The following PRKN variants were observed in gnomAD, a reference collection of about 807,000 sequenced individuals.
PRKN encodes the protein E3 ubiquitin-protein ligase parkin.
Under a neutral mutation model 59.5 loss-of-function variants are expected in PRKN, and 56 were observed. The observed-to-expected ratio is 0.94, with a 90% CI of 0.76 to 1.18. The LOEUF is 1.18. Among genes scored for constraint, PRKN ranks in the 50% most tolerant of loss-of-function variants. PRKN has a pLI of 0.00. For missense variants in PRKN, 657 were observed against 596.4 expected, an observed-to-expected ratio of 1.10 and a Z score of -1.06; for synonymous variants, 250 against 222.1, an observed-to-expected ratio of 1.13 and a Z score of -1.12.
chr6:161,441,245 G>C (rs9456671), intron 9 of PRKN, among the ~76,000 whole-genome samples: 6,740 of 152,250 alleles, frequency 0.044, 392 homozygotes, highest in African/African-American at 0.13. Context: ...ATCACTGCTC[G>C]AGCGTGAAGA....
At chr6:161,793,743 A>G (rs1790728865) in intron 6 of PRKN, among the ~76,000 whole-genome samples, 1 of 152,144 alleles carries the variant, frequency 6.6e-6, no homozygotes, top group Non-Finnish European at 1.5e-5. Flanking sequence ...CATCCAGTCT[A>G]TATAGTGAGA....
intron 6 of PRKN, among the ~76,000 whole-genome samples, chr6:161,880,651 G>A (rs937668371): frequency 3.3e-5 from 5 of 152,178 alleles, no homozygotes; most frequent in Non-Finnish European, 7.3e-5. Context: ...CACCGGCCAT[G>A]GGAAGCCAGC....
chr6:162,685,725 T>C (rs1175812393), intron 1 of PRKN, among the ~76,000 whole-genome samples: 1 of 152,210 alleles, frequency 6.6e-6, no homozygotes, highest in African/African-American at 2.4e-5. Flanking sequence ...CTAGCTATGT[T>C]CTTTCCTGAG....
chr6:162,552,542 C>A (rs1269636839), intron 1 of PRKN, among the ~76,000 whole-genome samples: 1 of 151,854 alleles, frequency 6.6e-6, no homozygotes, highest in East Asian at 1.9e-4. Context: ...TTGTCATTCA[C>A]TGAGATGGAG....
chr6:161,625,254 T>C (rs1783043377), intron 7 of PRKN, among the ~76,000 whole-genome samples: 2 of 152,212 alleles, frequency 1.3e-5, no homozygotes. Flanking sequence ...TGAGTTCATG[T>C]CCTTTGCTGG....
intron 6 of PRKN, among the ~76,000 whole-genome samples, chr6:161,820,746 ATATT>A (rs1174207642): frequency 1.3e-5 from 2 of 149,720 alleles, no homozygotes; most frequent in East Asian, 3.9e-4. Context: ...ATAGGTGTAT[ATATT>A]TATAAGCATA....
At chr6:161,810,913 G>A (rs1199167386) in intron 6 of PRKN, among the ~76,000 whole-genome samples, 1 of 152,134 alleles carries the variant, frequency 6.6e-6, no homozygotes, top group Non-Finnish European at 1.5e-5. Context: ...GAGGAGGAAA[G>A]TCTTTTGAGC....
Position 161,837,815 on chromosome 6 carries a change from T to A in PRKN, c.735-51907A>T, listed in dbSNP as rs181732732. Reference sequence around the variant, plus strand: ...TTCCAATTAACATCTGTAATTTGCATTGTATGAAAGCACTAGAAAATAATA... The same window carrying A: ...TTCCAATTAACATCTGTAATTTGCAATGTATGAAAGCACTAGAAAATAATA... On this transcript the variant is annotated intron_variant, in intron 6 of 11. Coordinates refer to ENST00000366898, the MANE Select transcript of PRKN (RefSeq NM_004562.3). 2.3e-3 allele frequency among the ~76,000 whole-genome samples: 351 copies of A among 152,278 alleles called. 4 individuals are homozygous for A. The highest frequency in any genetic ancestry group is 3.4e-3 in the Middle Eastern group (1 of 294).
rs760540631 is a variant in PRKN at position 161,360,083 on chromosome 6, C to A, written c.1285+5G>T. On this transcript the variant is annotated splice_donor_5th_base_variant and intron_variant, in intron 11 of 11. Coordinates refer to ENST00000366898, the MANE Select transcript of PRKN (RefSeq NM_004562.3). The surrounding 1 kb of genome is among the most constrained non-coding windows in gnomAD (Gnocchi z 5.1). ...ATCCTCATTCTCTGCTCAGCACAGA[C>A]TCACCATTTTTTTCCACTGGTACAT... The A allele has an allele frequency of 6.3e-7, 1 of 1,592,728 alleles. No individual in the cohort carries two copies. The highest frequency in any genetic ancestry group is 8.6e-7 in the Non-Finnish European group (1 of 1,160,406).
At chr6:162,467,912 T>C (rs769642170) in intron 1 of PRKN, among the ~76,000 whole-genome samples, 1 of 152,106 alleles carries the variant, frequency 6.6e-6, no homozygotes, top group Non-Finnish European at 1.5e-5. Flanking sequence ...TCCCTTTGCC[T>C]GGAGCACTCT....
chr6:162,650,585 G>C (rs1373203884), intron 1 of PRKN, among the ~76,000 whole-genome samples: 1 of 123,468 alleles, frequency 8.1e-6, no homozygotes, highest in African/African-American at 2.9e-5. Context: ...GCGACAGAGC[G>C]AGACTCCGTC....
intron 7 of PRKN, among the ~76,000 whole-genome samples, chr6:161,696,692 T>C (rs1343975534): frequency 1.3e-5 from 2 of 152,196 alleles, no homozygotes; most frequent in Non-Finnish European, 2.9e-5. Flanking sequence ...AAGTATCTAA[T>C]TCTACCCTCT....
chr6:162,069,914 G>A (rs1778502942), intron 4 of PRKN, among the ~76,000 whole-genome samples: 2 of 152,112 alleles, frequency 1.3e-5, no homozygotes, highest in South Asian at 2.1e-4. Context: ...ACGCAAGAGA[G>A]GCAAAAATGA....
chr6:161,397,489 G>A lies in PRKN; in HGVS notation c.1084-10612C>T, dbSNP rs1674445473. 6.6e-6 allele frequency among the ~76,000 whole-genome samples: 1 copy of A among 152,142 alleles called. No individual in the cohort carries two copies. On this transcript the variant is annotated intron_variant, in intron 9 of 11. Coordinates refer to ENST00000366898, the MANE Select transcript of PRKN (RefSeq NM_004562.3). This position sits in a 1 kb window ranked among gnomAD's most constrained non-coding sequence, Gnocchi z 4.2. ...CCTTCAGGGAGCATTCTAACATCAA[G>A]CTTAATTGACTGCCTCTCTTCTAAC...
chr6:162,676,571 T>C (rs1329607720), intron 1 of PRKN, among the ~76,000 whole-genome samples: 3 of 152,140 alleles, frequency 2.0e-5, no homozygotes, highest in Non-Finnish European at 2.9e-5. Context: ...GGACAGGGTA[T>C]TGAATGATAG....
rs555691152 is a variant in PRKN, at chr6:162,386,113, A to G, written c.171+57197T>C. On this transcript the variant is annotated intron_variant, in intron 2 of 11. Coordinates refer to ENST00000366898, the MANE Select transcript of PRKN (RefSeq NM_004562.3). ...TCAACCATCTCCTAGTGACTCAATC[A>G]TTAAATATTTAGCTGACTTAAATTA... is the stretch of plus-strand genomic sequence containing the variant. 2.4e-4 allele frequency among the ~76,000 whole-genome samples: 36 copies of G among 152,300 alleles called. 1 individual carries two copies. The South Asian group carries it at 5.2e-3, about 22-fold the overall frequency.
At chr6:161,476,028 T>C (rs1403473233) in intron 9 of PRKN, among the ~76,000 whole-genome samples, 2 of 151,748 alleles carry the variant, frequency 1.3e-5, no homozygotes, top group South Asian at 2.1e-4. Context: ...CTACTAAAAA[T>C]ACAAAAAAAT....
intron 5 of PRKN, among the ~76,000 whole-genome samples, chr6:162,011,159 C>CTA (rs1782641313): frequency 2.0e-4 from 1 of 5,100 alleles, no homozygotes; most frequent in Non-Finnish European, 2.5e-4. Context: ...ATAATATATA[C>CTA]TATATTATAT....
chr6:161,400,397 TCC>T lies in PRKN; in HGVS notation c.1084-13522_1084-13521del, dbSNP rs987287378. ...ATCTCCGCTCACTGCAACCTGTACC[TCC>T]CAGGTTCAAGCAATTCTCCTGCCTC... On this transcript the variant is annotated intron_variant, in intron 9 of 11. Coordinates refer to ENST00000366898, the MANE Select transcript of PRKN (RefSeq NM_004562.3). This position sits in a 1 kb window ranked among gnomAD's most constrained non-coding sequence, Gnocchi z 4.2. 1.1e-4 allele frequency among the ~76,000 whole-genome samples: 16 copies of T among 151,386 alleles called. No individual in the cohort carries two copies. The highest frequency in any genetic ancestry group is 3.9e-4 in the African/African-American group (16 of 41,134).
Sources: allele counts gnomAD v4.1 joint callset (sites outside exome capture counted in the v4.1 genomes callset), GRCh38; gene constraint gnomAD v4.1.1; non-coding constraint Gnocchi (gnomAD v3.1); transcripts MANE v1.5; gene names NCBI Gene and HGNC (gene_info 2026-07-23, HGNC 2026-07-21).